Variants in MLIP observed in about 807,000 individuals in gnomAD.
The protein encoded by MLIP is muscular LMNA interacting protein.
Under a neutral mutation model 84.8 loss-of-function variants are expected in MLIP, and 79 were observed. The ratio of observed to expected loss-of-function variants is 0.93; its 90% CI spans 0.78 to 1.12. The LOEUF is 1.12. Ranked by LOEUF, MLIP falls within the 50% of genes most tolerant of loss-of-function variation. The pLI, the probability that MLIP is intolerant of heterozygous loss-of-function variation, is 0.00. For synonymous variants in MLIP, 504 were observed against 463.0 expected (o/e 1.09, Z -1.14); for missense variants, 1,257 against 1,160.6 (o/e 1.08, Z -1.21).
intron 1 of MLIP, among the ~76,000 whole-genome samples, chr6:54,104,075 G>A (rs1424298794): frequency 1.3e-5 from 2 of 151,862 alleles, no homozygotes; most frequent in African/African-American, 4.8e-5. Context: ...TTTTATCTTG[G>A]TCAAAACTGA....
chr6:54,242,039 C>T (rs1781771810), intron 12 of MLIP, among the ~76,000 whole-genome samples: 1 of 152,166 alleles, frequency 6.6e-6, no homozygotes, highest in Admixed American at 6.5e-5. Context: ...CAATAGAGAG[C>T]TAACTCCTTT....
chr6:54,051,183 T>C (rs546520720), intron 1 of MLIP, among the ~76,000 whole-genome samples: 48 of 151,446 alleles, frequency 3.2e-4, no homozygotes, highest in African/African-American at 1.1e-3. Context: ...TTGTATATTA[T>C]AAATATATAA....
chr6:54,256,541 A>T (rs1783017150), intron 12 of MLIP, among the ~76,000 whole-genome samples: 1 of 152,156 alleles, frequency 6.6e-6, no homozygotes, highest in Non-Finnish European at 1.5e-5. Context: ...GTTAATACCA[A>T]AAAAGGGTAA....
At chr6:54,247,634 G>C (rs896977056) in intron 12 of MLIP, among the ~76,000 whole-genome samples, 1 of 152,158 alleles carries the variant, frequency 6.6e-6, no homozygotes, top group Non-Finnish European at 1.5e-5. Flanking sequence ...TAATGCATAG[G>C]AAGGTGTGGG....
At chr6:54,235,261 C>T (rs1251047215) in intron 12 of MLIP, among the ~76,000 whole-genome samples, 2 of 152,136 alleles carry the variant, frequency 1.3e-5, no homozygotes, top group East Asian at 3.8e-4. Flanking sequence ...TTATTTTCCT[C>T]TAGGCACACC....
chr6:54,200,519 C>T (rs1317081027), intron 10 of MLIP, among the ~76,000 whole-genome samples: 2 of 151,260 alleles, frequency 1.3e-5, no homozygotes, highest in Admixed American at 1.3e-4. Context: ...AAAAAAGAGA[C>T]AGAGGTGTGG....
chr6:54,075,430 C>T (rs1242031676), intron 1 of MLIP, among the ~76,000 whole-genome samples: 38 of 151,886 alleles, frequency 2.5e-4, no homozygotes, highest in Non-Finnish European at 7.4e-5. Flanking sequence ...GAACTTTTAC[C>T]AATTTGATCA....
In MLIP at chr6:54,137,179, G is replaced by A; in HGVS notation, c.1110G>A (p.Thr370=). 6.5e-7 allele frequency: 1 copy of A among 1,536,016 alleles called. No homozygotes were observed. The highest frequency in any genetic ancestry group is 1.7e-4 in the Middle Eastern group (1 of 5,990). The change falls in exon 4 of 14, where the codon ACG becomes ACA. Residue 370 remains threonine (T), a synonymous_variant. Transcript: ENST00000502396. ...SASYIPVRIV[T]HSLSPSPKPF... ...CGTACATACCAGTCCGCATTGTCACGCATTCACTCTCTCCGAGCCCCAAAC... is the reference window on the plus strand; with the variant it reads ...CGTACATACCAGTCCGCATTGTCACACATTCACTCTCTCCGAGCCCCAAAC...
chr6:54,144,253 G>A (rs554258789), intron 4 of MLIP, among the ~76,000 whole-genome samples: 1 of 152,254 alleles, frequency 6.6e-6, no homozygotes, highest in East Asian at 1.9e-4. Flanking sequence ...CGTGATCACC[G>A]AGGAGCAGAA....
intron 1 of MLIP, among the ~76,000 whole-genome samples, chr6:54,028,468 G>A (rs1368897406): frequency 2.0e-5 from 3 of 152,162 alleles, no homozygotes; most frequent in Non-Finnish European, 2.9e-5. Context: ...TGTCATAGTG[G>A]GAGGCTGAAG....
intron 10 of MLIP, among the ~76,000 whole-genome samples, chr6:54,199,864 A>G (rs576558463): frequency 3.2e-4 from 48 of 152,302 alleles, no homozygotes; most frequent in African/African-American, 6.3e-4. Context: ...CAGGGAAACC[A>G]TATGAAGACC....
At chr6:54,258,218 CA>C (rs1783145270) in intron 13 of MLIP, among the ~76,000 whole-genome samples, 1 of 151,944 alleles carries the variant, frequency 6.6e-6, no homozygotes, top group Non-Finnish European at 1.5e-5. Context: ...TAGGAAGAAA[CA>C]AGCATAATAT....
At chr6:54,154,036 G>A (rs558826108) in intron 5 of MLIP, among the ~76,000 whole-genome samples, 2 of 151,880 alleles carry the variant, frequency 1.3e-5, no homozygotes, top group East Asian at 1.9e-4. Flanking sequence ...AATGGTTCTC[G>A]GGTAGTTGTC....
At chr6:54,252,082 A>T (rs1245030960) in intron 12 of MLIP, among the ~76,000 whole-genome samples, 10 of 98,186 alleles carry the variant, frequency 1.0e-4, no homozygotes, top group African/African-American at 4.4e-4. Flanking sequence ...TATAATATAT[A>T]ATATAAATAT....
At chr6:54,046,924 T>C (rs755277717) in intron 1 of MLIP, 2 of 152,096 alleles carry the variant, frequency 1.3e-5, no homozygotes, top group African/African-American at 2.4e-5. Flanking sequence ...TTATATTAGG[T>C]TGAAAACAAA....
intron 1 of MLIP, among the ~76,000 whole-genome samples, chr6:54,098,138 ATTTT>A (rs747838152): frequency 7.0e-5 from 5 of 71,266 alleles, no homozygotes; most frequent in South Asian, 6.2e-4. Context: ...AGTCTTGGGG[ATTTT>A]TCTTTCTTTT....
At chr6:54,110,249 C>T (rs759469320), upstream of MLIP, among the ~76,000 whole-genome samples, 7 of 152,050 alleles carry the variant, frequency 4.6e-5, no homozygotes, top group Non-Finnish European at 1.0e-4. Flanking sequence ...TCCCAAAGTG[C>T]TGGGATTACA....
intron 12 of MLIP, among the ~76,000 whole-genome samples, chr6:54,254,377 G>A (rs1202570796): frequency 6.6e-6 from 1 of 151,964 alleles, no homozygotes; most frequent in Non-Finnish European, 1.5e-5. Flanking sequence ...CACCCGCCTA[G>A]GCCTCCCAAA....
At position 54,152,197 on chromosome 6, in the gene MLIP, G is replaced by C. The variant is rs542900488; in HGVS notation, c.2289+3070G>C. On this transcript the variant is annotated intron_variant, in intron 5 of 13. Transcript: ENST00000502396. The stretch of plus-strand genomic sequence containing the variant: ...TCCTGCCAATAATCATCTTCTCCAA[G>C]AATGACATGAGGATGAAATGCAAAT... Among the ~76,000 whole-genome samples the C allele has an allele frequency of 2.0e-5, 3 of 152,196 alleles. No individual in the cohort carries two copies. The East Asian group carries it at 5.8e-4, about 29-fold the overall frequency.
Sources: gnomAD v4.1 joint callset for allele counts (sites outside exome capture counted in the v4.1 genomes callset) on GRCh38, gnomAD v4.1.1 for gene constraint, MANE v1.5 for transcripts, NCBI Gene and HGNC (gene_info 2026-07-23, HGNC 2026-07-21) for gene names.